Variants in PHAF1 observed in about 807,000 individuals in gnomAD.
The protein encoded by PHAF1 is phagosome assembly factor 1.
Under a neutral mutation model 63.1 loss-of-function variants are expected in PHAF1, and 23 were observed. That is an observed-to-expected ratio of 0.36 (90% CI 0.26 to 0.52). PHAF1 has a LOEUF of 0.52. Among genes scored for constraint, PHAF1 ranks in the 20% least tolerant of loss-of-function variants. The probability of loss-of-function intolerance (pLI) is 0.93; values close to 1 mark genes in which losing one functional copy is unlikely to be tolerated. For missense variants in PHAF1, 427 were observed against 517.2 expected, an observed-to-expected ratio of 0.83 and a Z score of 1.69; for synonymous variants, 167 against 185.0, an observed-to-expected ratio of 0.90 and a Z score of 0.79.
At chr16:67,123,234 C>T (rs1315119632) in intron 2 of PHAF1, among the ~76,000 whole-genome samples, 1 of 151,850 alleles carries the variant, frequency 6.6e-6, no homozygotes, top group East Asian at 1.9e-4. Flanking sequence ...ACCTCAGCCT[C>T]CTGGGTAGCT....
chr16:67,117,199 ATTTTTT>A (rs750308105), intron 1 of PHAF1, among the ~76,000 whole-genome samples: 6 of 111,982 alleles, frequency 5.4e-5, no homozygotes, highest in East Asian at 2.5e-4. Flanking sequence ...TGCCCAGCTA[ATTTTTT>A]TTTTTTTTTT....
chr16:67,133,009 AG>A, intron 6 of PHAF1, 98 bp downstream of exon 6: 1 of 980,678 alleles, frequency 1.0e-6, no homozygotes, highest in Non-Finnish European at 1.6e-6. Context: ...GGTATTAGAT[AG>A]GCAGACTTTC....
chr16:67,138,513 C>T (rs1963688082), intron 8 of PHAF1, among the ~76,000 whole-genome samples: 1 of 145,550 alleles, frequency 6.9e-6, no homozygotes, highest in African/African-American at 2.5e-5. Context: ...TCTTGGCTTC[C>T]TTTTTTTTTT....
chr16:67,113,153 A>G (rs1027412919), intron 1 of PHAF1, among the ~76,000 whole-genome samples: 3 of 152,242 alleles, frequency 2.0e-5, no homozygotes, highest in Non-Finnish European at 4.4e-5. Context: ...CCTGCATGCC[A>G]CTGCTCTTTC....
At chr16:67,117,876 C>T (rs1390261055) in intron 1 of PHAF1, among the ~76,000 whole-genome samples, 1 of 151,170 alleles carries the variant, frequency 6.6e-6, no homozygotes, top group Non-Finnish European at 1.5e-5. Flanking sequence ...GCAGCCTCCA[C>T]CTCCCAAGCT....
chr16:67,123,718 T>G (rs1251952527), intron 2 of PHAF1, among the ~76,000 whole-genome samples: 1 of 152,172 alleles, frequency 6.6e-6, no homozygotes. Flanking sequence ...CTTCTTAAAT[T>G]TGGGTCCTGT....
At chr16:67,143,922 C>T (rs1963897785) in intron 10 of PHAF1, among the ~76,000 whole-genome samples, 1 of 151,652 alleles carries the variant, frequency 6.6e-6, no homozygotes, top group Non-Finnish European at 1.5e-5. Context: ...AACCCCGTCT[C>T]TACTAAAAAT....
chr16:67,116,184 A>G (rs866070001), intron 1 of PHAF1, among the ~76,000 whole-genome samples: 3 of 152,280 alleles, frequency 2.0e-5, no homozygotes, highest in South Asian at 4.1e-4. Flanking sequence ...CAGCTTGTTC[A>G]TATTCTCAAA....
chr16:67,144,724 G>A, intron 11 of PHAF1, 110 bp from the exon 12 acceptor site: 1 of 1,264,206 alleles, frequency 7.9e-7, no homozygotes, highest in Non-Finnish European at 1.1e-6. Context: ...CAGAGCCAGG[G>A]CTTTGGGCAG....
intron 2 of PHAF1, among the ~76,000 whole-genome samples, chr16:67,122,979 T>A (rs1326704557): frequency 1.3e-5 from 2 of 152,118 alleles, no homozygotes; most frequent in Non-Finnish European, 2.9e-5. Context: ...TCCGCCCGTC[T>A]TGTCCTCCCA....
Position 67,145,407 on chromosome 16 carries a change from G to T in PHAF1, c.1038G>T (p.Thr346=). ...CAGATGGTCAGACAGAAACATGCAC[G>T]ACCTACAGCAAGGTGAGCACCTATC... is the stretch of plus-strand genomic sequence containing the variant. ...ENADGQTETC[T]TYSKWDNIQE... Residue 346 remains threonine, a synonymous_variant, in exon 13 of 16, where the codon ACG becomes ACT. Coordinates refer to ENST00000219139, the MANE Select transcript of PHAF1 (RefSeq NM_025187.5). 3 of 1,614,100 alleles carry T rather than the reference G, an allele frequency of 1.9e-6. No homozygotes were observed. Among genetic ancestry groups the T allele is most frequent in the Non-Finnish European group, 2.5e-6 (3 of 1,180,008 alleles).
chr16:67,127,267 C>T (rs1337284273), intron 3 of PHAF1, among the ~76,000 whole-genome samples: 2 of 152,118 alleles, frequency 1.3e-5, no homozygotes, highest in Non-Finnish European at 1.5e-5. Context: ...TTGGATGGGC[C>T]CTGGGCAGTG....
chr16:67,110,346 A>G, intron 1 of PHAF1, 107 bp downstream of exon 1: 1 of 1,251,626 alleles, frequency 8.0e-7, no homozygotes, highest in Non-Finnish European at 1.1e-6. Flanking sequence ...GCAGCTCCTC[A>G]CCTCTTTCGT....
intron 1 of PHAF1, among the ~76,000 whole-genome samples, chr16:67,113,451 CTTTT>C (rs1011100173): frequency 2.2e-5 from 3 of 139,402 alleles, no homozygotes; most frequent in African/African-American, 2.6e-5. Flanking sequence ...TTTTCTTTTT[CTTTT>C]TTTTTTTTTT....
At chr16:67,110,319 C>T (rs1357176690) in intron 1 of PHAF1, 80 bp downstream of exon 1, 7 of 1,462,116 alleles carry the variant, frequency 4.8e-6, no homozygotes, top group Non-Finnish European at 5.6e-6. Context: ...TTCTCAGTCT[C>T]TCACGCCCCT....
intron 13 of PHAF1, 23 bp from the exon 14 acceptor site, chr16:67,145,547 G>A: frequency 6.2e-7 from 1 of 1,613,982 alleles, no homozygotes; most frequent in Non-Finnish European, 8.5e-7. Flanking sequence ...ACTAACCCCT[G>A]CTCCCCTCTA....
At chr16:67,142,325 C>T (rs1211943352) in intron 10 of PHAF1, among the ~76,000 whole-genome samples, 4 of 152,164 alleles carry the variant, frequency 2.6e-5, no homozygotes, top group Non-Finnish European at 4.4e-5. Context: ...TGAGCAGGCC[C>T]GGAAAAAGCA....
At chr16:67,126,078 C>A in intron 3 of PHAF1, 36 bp downstream of exon 3, 1 of 1,492,202 alleles carries the variant, frequency 6.7e-7, no homozygotes, top group Non-Finnish European at 9.3e-7. Context: ...TCATGTCCAG[C>A]TGGGCCAGTC....
rs2030178176 is a variant in PHAF1 at position 67,147,247 on chromosome 16, T to C, written c.*116T>C. On this transcript the variant is annotated 3_prime_UTR_variant, in exon 16 of 16. Transcript: ENST00000219139. Reference sequence around the variant, plus strand: ...ACACCTGGCCAGTGCTGAAGGGCTGTTGTGATGTTCTGAGGTTGGGCTCAG... The same window carrying C: ...ACACCTGGCCAGTGCTGAAGGGCTGCTGTGATGTTCTGAGGTTGGGCTCAG... The C allele has an allele frequency of 9.9e-7, 1 of 1,005,482 alleles. No homozygotes were observed. Among genetic ancestry groups the C allele is most frequent in the Non-Finnish European group, 1.5e-6 (1 of 663,978 alleles). 62.3% of individuals were successfully genotyped at this position (1,005,482 alleles called of 1,614,324 possible).
Sources: allele counts gnomAD v4.1 joint callset (sites outside exome capture counted in the v4.1 genomes callset), GRCh38; gene constraint gnomAD v4.1.1; transcripts MANE v1.5; gene names NCBI Gene and HGNC (gene_info 2026-07-23, HGNC 2026-07-21).